PID1: variants seen among roughly 807,000 people sequenced by gnomAD.
The protein encoded by PID1 is phosphotyrosine interaction domain containing 1.
In PID1, 10 loss-of-function variants were observed where a neutral mutation model predicts 19.1. That is an observed-to-expected ratio of 0.52 (90% CI 0.32 to 0.89). The LOEUF (loss-of-function observed/expected upper bound fraction) is 0.89. Ranked by LOEUF, PID1 falls within the 40% of genes least tolerant of loss-of-function variation. PID1 has a pLI of 0.03. For missense variants in PID1, 248 were observed against 285.3 expected (o/e 0.87, Z 0.94); for synonymous variants, 130 against 116.0 (o/e 1.12, Z -0.78).
intron 2 of PID1, among the ~76,000 whole-genome samples, chr2:229,086,204 T>C (rs1039496863): frequency 6.6e-6 from 1 of 152,132 alleles, no homozygotes; most frequent in South Asian, 2.1e-4. Context: ...TGCGGTTACA[T>C]TCCAATAAAC....
intron 1 of PID1, among the ~76,000 whole-genome samples, chr2:229,206,968 G>A (rs1691623012): frequency 6.6e-6 from 1 of 152,136 alleles, no homozygotes; most frequent in Non-Finnish European, 1.5e-5. Context: ...CCCAGGTGAT[G>A]CAAATTCTGC....
intron 2 of PID1, among the ~76,000 whole-genome samples, chr2:229,054,106 G>A (rs1483236689): frequency 1.3e-5 from 2 of 151,892 alleles, no homozygotes; most frequent in Non-Finnish European, 1.5e-5. Context: ...TAAAAAAAAA[G>A]AGCTTGCAAT....
At chr2:229,183,362 C>A (rs1264068924) in intron 1 of PID1, among the ~76,000 whole-genome samples, 1 of 152,182 alleles carries the variant, frequency 6.6e-6, no homozygotes, top group Non-Finnish European at 1.5e-5. Context: ...TGTTTTAAGC[C>A]CTCATGATAG....
chr2:229,101,290 T>C (rs1313215284), intron 2 of PID1, among the ~76,000 whole-genome samples: 3 of 152,204 alleles, frequency 2.0e-5, no homozygotes, highest in Admixed American at 2.0e-4. Flanking sequence ...TAGGTAAACG[T>C]GTGCCATGGT....
intron 1 of PID1, chr2:229,232,131 A>C: frequency 6.9e-7 from 1 of 1,457,470 alleles, no homozygotes. Flanking sequence ...CACCTCTTAA[A>C]GGTCCCTCTT....
chr2:229,146,090 A>C (rs972253761), intron 2 of PID1, among the ~76,000 whole-genome samples: 1 of 152,214 alleles, frequency 6.6e-6, no homozygotes, highest in African/African-American at 2.4e-5. Flanking sequence ...ATGCCCTTGC[A>C]AAGGACATGA....
At chr2:229,047,364 G>C (rs2106180569) in intron 2 of PID1, among the ~76,000 whole-genome samples, 1 of 152,278 alleles carries the variant, frequency 6.6e-6, no homozygotes. Context: ...GTTCAGCCAG[G>C]TATAGATGGT....
intron 2 of PID1, among the ~76,000 whole-genome samples, chr2:229,030,841 G>A (rs760519008): frequency 3.9e-5 from 6 of 152,102 alleles, no homozygotes; most frequent in Non-Finnish European, 8.8e-5. Context: ...CTGGAGAGAT[G>A]AGTGGAGCAC....
intron 2 of PID1, among the ~76,000 whole-genome samples, chr2:229,036,334 G>T (rs1693662493): frequency 6.6e-6 from 1 of 152,188 alleles, no homozygotes; most frequent in Non-Finnish European, 1.5e-5. Context: ...TCATCCTCAG[G>T]AAGCTCATAT....
In PID1 at chr2:229,025,590, T is replaced by TCCGTGA. The variant is rs1693396005; in HGVS notation, c.*36_*41dup. On this transcript the variant is annotated 3_prime_UTR_variant, in exon 3 of 3. Coordinates refer to ENST00000392055, the MANE Select transcript of PID1 (RefSeq NM_001100818.2). ...TGCTTACTCATCTATTCCCTTGAAC[T>TCCGTGA]CCGTGACCAATGCTGCCTTTGCTGA... The TCCGTGA allele has an allele frequency of 6.8e-7, 1 of 1,462,086 alleles. No homozygotes were observed. Among genetic ancestry groups the TCCGTGA allele is most frequent in the Admixed American group, 1.7e-5 (1 of 57,902 alleles). The allele number at this position is 1,462,086 out of a possible 1,614,324, so 90.6% of individuals were successfully genotyped here. A position where few individuals can be genotyped will look rare whatever the true frequency, so the allele number is the denominator to read the frequency against.
intron 1 of PID1, among the ~76,000 whole-genome samples, chr2:229,244,060 T>C (rs1436503862): frequency 6.6e-6 from 1 of 152,170 alleles, no homozygotes; most frequent in Admixed American, 6.5e-5. Flanking sequence ...ACTAAATTAC[T>C]CATTTCTAAT....
intron 1 of PID1, among the ~76,000 whole-genome samples, chr2:229,222,919 G>T (rs146086626): frequency 1.3e-4 from 20 of 150,946 alleles, no homozygotes; most frequent in African/African-American, 4.6e-4. Flanking sequence ...TATTGGTTCT[G>T]TTTCTCTGGA....
At chr2:229,139,850 C>T (rs1297038765) in intron 2 of PID1, among the ~76,000 whole-genome samples, 3 of 152,136 alleles carry the variant, frequency 2.0e-5, no homozygotes, top group Non-Finnish European at 2.9e-5. Context: ...AGATAAATAC[C>T]AGTTCTGCTC....
intron 1 of PID1, among the ~76,000 whole-genome samples, chr2:229,185,049 A>C (rs377106457): frequency 1.2e-5 from 1 of 83,126 alleles, no homozygotes; most frequent in Non-Finnish European, 2.4e-5. Flanking sequence ...TATATATGCT[A>C]CATATATATA....
chr2:229,140,975 ATT>A (rs11430214), intron 2 of PID1, among the ~76,000 whole-genome samples: 2 of 146,278 alleles, frequency 1.4e-5, no homozygotes, highest in African/African-American at 2.5e-5. Flanking sequence ...CAAATAAACT[ATT>A]TTTTTTTTTT....
chr2:229,202,294 T>C (rs1339849941), intron 1 of PID1, among the ~76,000 whole-genome samples: 1 of 152,110 alleles, frequency 6.6e-6, no homozygotes, highest in Admixed American at 6.6e-5. Flanking sequence ...CTGAAGAAGC[T>C]ATGAATCCAG....
chr2:229,202,914 G>C (rs1349533856), intron 1 of PID1, among the ~76,000 whole-genome samples: 1 of 151,908 alleles, frequency 6.6e-6, no homozygotes, highest in Non-Finnish European at 1.5e-5. Flanking sequence ...AATTCTTTTT[G>C]GATTTCAGGC....
At chr2:229,117,402 C>T (rs1695430998) in intron 2 of PID1, among the ~76,000 whole-genome samples, 1 of 152,104 alleles carries the variant, frequency 6.6e-6, no homozygotes, top group Non-Finnish European at 1.5e-5. Context: ...ATGCTTGTAT[C>T]CCCTACCAGC....
At chr2:229,150,416 A>G (rs992288166) in intron 2 of PID1, among the ~76,000 whole-genome samples, 1 of 152,050 alleles carries the variant, frequency 6.6e-6, no homozygotes, top group Non-Finnish European at 1.5e-5. Flanking sequence ...CCATACGAAA[A>G]GGATGTTGTG....
Sources: gnomAD v4.1 joint callset for allele counts (sites outside exome capture counted in the v4.1 genomes callset) on GRCh38, gnomAD v4.1.1 for gene constraint, MANE v1.5 for transcripts, NCBI Gene and HGNC (gene_info 2026-07-23, HGNC 2026-07-21) for gene names.